The following TSNARE1 variants were observed in gnomAD, a reference collection of about 807,000 sequenced individuals.
The protein encoded by TSNARE1 is t-SNARE domain containing 1, also known as t-SNARE domain-containing protein 1.
A neutral mutation model predicts 62.0 loss-of-function variants in TSNARE1; 49 were observed. The ratio of observed to expected loss-of-function variants is 0.79; its 90% CI spans 0.63 to 1.00. TSNARE1 has a LOEUF of 1.00. TSNARE1 is among the 50% of genes least tolerant of loss of function. The probability of loss-of-function intolerance (pLI) is 0.00; values close to 1 mark genes in which losing one functional copy is unlikely to be tolerated. For missense variants in TSNARE1, 755 were observed against 700.1 expected, an observed-to-expected ratio of 1.08 and a Z score of -0.88; for synonymous variants, 328 against 294.4, an observed-to-expected ratio of 1.11 and a Z score of -1.17.
intron 13 of TSNARE1, among the ~76,000 whole-genome samples, chr8:142,216,712 C>A (rs1388308914): frequency 6.6e-6 from 1 of 152,208 alleles, no homozygotes; most frequent in African/African-American, 2.4e-5. Context: ...CTCAGGCCGG[C>A]CCAAAGTCCT....
At chr8:142,300,441 A>G in intron 10 of TSNARE1, 45 bp downstream of exon 10, 8 of 1,562,550 alleles carry the variant, frequency 5.1e-6, no homozygotes, top group Non-Finnish European at 6.9e-6. Flanking sequence ...TCCCAGCCTC[A>G]TGTGGAGTGT....
At chr8:142,314,888 T>C in intron 8 of TSNARE1, 115 bp downstream of exon 8, 2 of 980,506 alleles carry the variant, frequency 2.0e-6, no homozygotes, top group Non-Finnish European at 3.2e-6. Context: ...TTCTCTGCCT[T>C]TGGGGATGGG....
intron 13 of TSNARE1, among the ~76,000 whole-genome samples, chr8:142,221,487 T>C (rs1442217293): frequency 2.0e-5 from 3 of 152,256 alleles, no homozygotes; most frequent in Non-Finnish European, 4.4e-5. Context: ...CCCTTAAATG[T>C]TTTGTGCTTA....
At chr8:142,215,658 C>T (rs1005870181) in intron 13 of TSNARE1, among the ~76,000 whole-genome samples, 4 of 152,080 alleles carry the variant, frequency 2.6e-5, no homozygotes, top group East Asian at 1.9e-4. Context: ...CAGACTGAGC[C>T]GAGAGAGGGG....
intron 7 of TSNARE1, among the ~76,000 whole-genome samples, chr8:142,315,676 G>T (rs1254245967): frequency 1.3e-5 from 2 of 152,196 alleles, no homozygotes; most frequent in African/African-American, 4.8e-5. Flanking sequence ...GCAGCCCTGG[G>T]GCCCGCCTCA....
chr8:142,277,542 C>A (rs977559524), intron 11 of TSNARE1: 1 of 985,484 alleles, frequency 1.0e-6, no homozygotes, highest in Non-Finnish European at 1.2e-6. Flanking sequence ...GGGATGCCCC[C>A]ACCCTGTCCT....
At chr8:142,259,177 C>T (rs898626770) in intron 12 of TSNARE1, among the ~76,000 whole-genome samples, 4 of 152,216 alleles carry the variant, frequency 2.6e-5, no homozygotes, top group African/African-American at 9.6e-5. Context: ...AGGACGGGGC[C>T]GAGGGGCAGA....
intron 12 of TSNARE1, among the ~76,000 whole-genome samples, chr8:142,249,960 C>T (rs1030840393): frequency 1.8e-4 from 28 of 152,192 alleles, no homozygotes; most frequent in Non-Finnish European, 2.9e-5. Context: ...CTGATGGCTA[C>T]GAGAGCTCTG....
intron 13 of TSNARE1, among the ~76,000 whole-genome samples, chr8:142,229,127 T>TGGGGGGTGGATAGATGGATTGACAGTG (rs1554625569): frequency 1.4e-5 from 2 of 144,576 alleles, no homozygotes; most frequent in Non-Finnish European, 3.0e-5. Context: ...GATAAATGGA[T>TGGGGGGTGGATAGATGGATTGACAGTG]GGTGGGTGGA....
At position 142,344,071 on chromosome 8, in the gene TSNARE1, C is replaced by A; in HGVS notation, c.640G>T (p.Gly214Cys). Residue 214 changes from glycine (G) to cysteine (C), a missense_variant, in exon 4 of 14, where the codon GGC becomes TGC. Transcript: ENST00000524325. ...KAAHGPSPGS[G>C]KPQALALTPV... is the part of the protein sequence containing the mutation. Reference sequence around the variant, plus strand: ...GTGAGAGCCAGGGCCTGGGGCTTGCCGGAACCAGGGCTGGGGCCATGGGCC... The same window carrying A: ...GTGAGAGCCAGGGCCTGGGGCTTGCAGGAACCAGGGCTGGGGCCATGGGCC... The A allele has an allele frequency of 6.2e-7, 1 of 1,603,694 alleles. No individual in the cohort carries two copies. Among genetic ancestry groups the A allele is most frequent in the South Asian group, 1.1e-5 (1 of 90,236 alleles).
intron 13 of TSNARE1, among the ~76,000 whole-genome samples, chr8:142,227,431 C>G (rs569615075): frequency 8.9e-6 from 1 of 112,122 alleles, no homozygotes; most frequent in East Asian, 2.5e-4. Flanking sequence ...GCCCACAACC[C>G]CAGTGGCAGC....
intron 6 of TSNARE1, among the ~76,000 whole-genome samples, chr8:142,320,090 G>T (rs936798321): frequency 6.6e-6 from 1 of 151,966 alleles, no homozygotes; most frequent in South Asian, 2.1e-4. Context: ...GGGCTGCCAC[G>T]CAGCCTCCTG....
intron 12 of TSNARE1, among the ~76,000 whole-genome samples, chr8:142,230,265 A>G (rs1327679691): frequency 6.6e-6 from 1 of 152,164 alleles, no homozygotes; most frequent in Admixed American, 6.5e-5. Context: ...ATTAAGGGAG[A>G]ACCCAGAGAA....
At chr8:142,390,993 C>T (rs1259337788) in intron 1 of TSNARE1, among the ~76,000 whole-genome samples, 1 of 145,504 alleles carries the variant, frequency 6.9e-6, no homozygotes, top group Non-Finnish European at 1.5e-5. Context: ...CTATAGCAGA[C>T]GCTGTACACT....
intron 12 of TSNARE1, among the ~76,000 whole-genome samples, chr8:142,263,585 C>T (rs2130421524): frequency 6.6e-6 from 1 of 152,234 alleles, no homozygotes; most frequent in Non-Finnish European, 1.5e-5. Context: ...GGATTTCTTC[C>T]TTGAAAGTGG....
At chr8:142,275,097 T>G in intron 11 of TSNARE1, 1 of 985,248 alleles carries the variant, frequency 1.0e-6, no homozygotes. Flanking sequence ...AGGGGACTCC[T>G]CAGTGCCCAC....
intron 12 of TSNARE1, among the ~76,000 whole-genome samples, chr8:142,253,498 G>C (rs1586856945): frequency 6.8e-6 from 1 of 146,212 alleles, no homozygotes; most frequent in African/African-American, 2.6e-5. Context: ...ACCAGCTCCA[G>C]TGGCCATTCT....
chr8:142,302,908 C>G (rs1826009969), intron 9 of TSNARE1, among the ~76,000 whole-genome samples: 1 of 152,094 alleles, frequency 6.6e-6, no homozygotes, highest in Non-Finnish European at 1.5e-5. Flanking sequence ...GCTGGCCATG[C>G]AGGCCAGGAG....
chr8:142,272,434 G>A (rs1279265313), intron 12 of TSNARE1, among the ~76,000 whole-genome samples: 6 of 44,600 alleles, frequency 1.3e-4, no homozygotes, highest in African/African-American at 6.2e-4. Context: ...CTATCCACCC[G>A]CCTGTCTACA....
Sources: gnomAD v4.1 joint callset for allele counts (sites outside exome capture counted in the v4.1 genomes callset) on GRCh38, gnomAD v4.1.1 for gene constraint, MANE v1.5 for transcripts, NCBI Gene and HGNC (gene_info 2026-07-23, HGNC 2026-07-21) for gene names.